DACH2: variants seen among roughly 807,000 people sequenced by gnomAD.
The protein encoded by DACH2 is dachshund family transcription factor 2.
A neutral mutation model predicts 35.8 loss-of-function variants in DACH2; 17 were observed. The ratio of observed to expected loss-of-function variants is 0.48; its 90% CI spans 0.33 to 0.71. The LOEUF is 0.71. Ranked by LOEUF, DACH2 falls within the 30% of genes least tolerant of loss-of-function variation. The probability of loss-of-function intolerance (pLI) is 0.02; values close to 1 mark genes in which losing one functional copy is unlikely to be tolerated. For synonymous variants in DACH2, 195 were observed against 177.3 expected, an observed-to-expected ratio of 1.10 and a Z score of -0.79; for missense variants, 469 against 472.7, an observed-to-expected ratio of 0.99 and a Z score of 0.07.
intron 3 of DACH2, among the ~76,000 whole-genome samples, chrX:86,539,321 C>T (rs2038848175): frequency 9.0e-6 from 1 of 111,464 alleles, no homozygotes; most frequent in Admixed American, 9.5e-5. Flanking sequence ...TCTCCTCATC[C>T]ATGTGGAATT....
At chrX:86,823,652 A>C (rs970595006) in intron 11 of DACH2, among the ~76,000 whole-genome samples, 1 of 111,940 alleles carries the variant, frequency 8.9e-6, no homozygotes, top group South Asian at 3.7e-4. Context: ...ATATTTCAAC[A>C]TAGGTTCTTT....
intron 3 of DACH2, among the ~76,000 whole-genome samples, chrX:86,547,150 C>A (rs1028274087): frequency 1.8e-5 from 2 of 111,039 alleles, no homozygotes; most frequent in African/African-American, 6.6e-5. Flanking sequence ...GTTGTTTTGT[C>A]CGAAGCCCCT....
At position 86,632,494 on chromosome X, in the gene DACH2, G is replaced by GCACACACACA. The variant is rs3041616; in HGVS notation, c.641-18518_641-18509dup. Among the ~76,000 whole-genome samples, 705 of 95,967 alleles carry GCACACACACA rather than the reference G, an allele frequency of 7.3e-3. 5 individuals carry two copies. Among genetic ancestry groups the GCACACACACA allele is most frequent in the African/African-American group, 0.025 (657 of 26,181 alleles). 83.3% of individuals were successfully genotyped at this position (95,967 alleles called of 115,157 possible). On this transcript the variant is annotated intron_variant, in intron 3 of 11. Transcript: ENST00000373125. The stretch of plus-strand genomic sequence containing the variant: ...CAACAATTATAACAGTCATACACAT[G>GCACACACACA]CACACACACACACACACACACACAC...
chrX:86,211,701 CTTGGCAAAATATGG>C (rs1287360761), intron 1 of DACH2, among the ~76,000 whole-genome samples: 1 of 111,672 alleles, frequency 9.0e-6, no homozygotes, highest in Non-Finnish European at 1.9e-5. Flanking sequence ...CACCCTTTAC[CTTGGCAAAATATGG>C]TTGATCTGGA....
intron 3 of DACH2, among the ~76,000 whole-genome samples, chrX:86,620,139 A>C (rs1453559578): frequency 8.9e-6 from 1 of 112,129 alleles, no homozygotes; most frequent in Non-Finnish European, 1.9e-5. Flanking sequence ...TATTTTATTT[A>C]GGCCTTAAGT....
intron 2 of DACH2, among the ~76,000 whole-genome samples, chrX:86,449,339 G>T (rs1192358400): frequency 4.0e-5 from 4 of 100,017 alleles, no homozygotes; most frequent in East Asian, 3.2e-4. Flanking sequence ...CCTTCTGCTA[G>T]CTTTTGAATG....
intron 2 of DACH2, among the ~76,000 whole-genome samples, chrX:86,412,187 TG>T (rs1161299079): frequency 9.0e-6 from 1 of 111,188 alleles, no homozygotes; most frequent in African/African-American, 3.3e-5. Context: ...GGGATTGTTG[TG>T]TCTCCTGGTG....
intron 3 of DACH2, among the ~76,000 whole-genome samples, chrX:86,636,532 A>G (rs2040267917): frequency 9.0e-6 from 1 of 111,294 alleles, no homozygotes; most frequent in Non-Finnish European, 1.9e-5. Flanking sequence ...ATGAAACTGA[A>G]TAGAGAGCCC....
chrX:86,211,886 T>G (rs911220425), intron 1 of DACH2, among the ~76,000 whole-genome samples: 4 of 111,702 alleles, frequency 3.6e-5, no homozygotes, highest in Non-Finnish European at 5.7e-5. Context: ...ACATAGTAAT[T>G]TCTGTATGTG....
At chrX:86,597,646 G>A (rs1227110566) in intron 3 of DACH2, among the ~76,000 whole-genome samples, 2 of 111,459 alleles carry the variant, frequency 1.8e-5, no homozygotes, top group Non-Finnish European at 3.8e-5. Flanking sequence ...GGGTTTTGGT[G>A]GAGCAGTCTC....
intron 1 of DACH2, among the ~76,000 whole-genome samples, chrX:86,226,159 T>TAA (rs372494969): frequency 0.078 from 8,680 of 111,373 alleles, 828 homozygotes; most frequent in African/African-American, 0.27. Context: ...TCAGGACTGT[T>TAA]CAGAAGTTTT....
intron 3 of DACH2, among the ~76,000 whole-genome samples, chrX:86,620,196 A>G (rs1389270241): frequency 2.7e-5 from 3 of 112,093 alleles, no homozygotes; most frequent in Non-Finnish European, 3.8e-5. Flanking sequence ...AGGTGGTTCC[A>G]GTGAACTGTT....
chrX:86,699,718 TTTGA>T (rs1468505248), intron 5 of DACH2, among the ~76,000 whole-genome samples: 1 of 111,658 alleles, frequency 9.0e-6, no homozygotes, highest in Non-Finnish European at 1.9e-5. Flanking sequence ...CAGCTCAGAT[TTTGA>T]TTATTTTTGT....
rs1329791254 is a variant in DACH2, at chrX:86,148,637, C to T, written c.17C>T (p.Ser6Phe). The T allele has an allele frequency of 3.4e-6, 4 of 1,173,632 alleles. No homozygotes were observed. The South Asian group carries it at 5.8e-5, about 17-fold the overall frequency. Residue 6 changes from serine (S) to phenylalanine (F), a missense_variant, in exon 1 of 12, where the codon TCT (serine) becomes TTT (phenylalanine). This residue lies in a region of DACH2 where 99 missense variants were observed against 114.3 expected (regional missense o/e 0.87). Transcript: ENST00000373125. ...AGAGTGACCATGGCTGTCTCCGCATCTCCAGTGATCTCTGCAACTTCCAGC... is the reference window on the plus strand; with the variant it reads ...AGAGTGACCATGGCTGTCTCCGCATTTCCAGTGATCTCTGCAACTTCCAGC... MAVSA[S>F]PVISATSSGA... is the part of the protein sequence containing the mutation.
intron 1 of DACH2, among the ~76,000 whole-genome samples, chrX:86,240,568 T>C (rs910837056): frequency 6.4e-5 from 7 of 109,050 alleles, no homozygotes; most frequent in African/African-American, 2.3e-4. Flanking sequence ...TTGTGGGCTC[T>C]AGTGATTCTC....
intron 2 of DACH2, among the ~76,000 whole-genome samples, chrX:86,496,435 T>C (rs1451073413): frequency 2.7e-5 from 3 of 111,310 alleles, no homozygotes; most frequent in Non-Finnish European, 5.6e-5. Flanking sequence ...TCTCTAATCT[T>C]CTTCCTGGTA....
At chrX:86,234,964 G>A (rs530360432) in intron 1 of DACH2, among the ~76,000 whole-genome samples, 10 of 111,398 alleles carry the variant, frequency 9.0e-5, no homozygotes, top group Middle Eastern at 4.6e-3. Context: ...TCAGAATTCC[G>A]TAGTTTTTAC....
At chrX:86,303,339 T>A (rs2034612461) in intron 1 of DACH2, among the ~76,000 whole-genome samples, 1 of 109,624 alleles carries the variant, frequency 9.1e-6, no homozygotes, top group Non-Finnish European at 1.9e-5. Flanking sequence ...TCTTTTTGCG[T>A]TCACTTTTTG....
chrX:86,542,401 G>A (rs936349937), intron 3 of DACH2, among the ~76,000 whole-genome samples: 1 of 111,223 alleles, frequency 9.0e-6, no homozygotes, highest in Non-Finnish European at 1.9e-5. Flanking sequence ...ATTAGTTCTT[G>A]TGGGAATAGA....
Sources: gnomAD v4.1 joint callset for allele counts (sites outside exome capture counted in the v4.1 genomes callset) on GRCh38, gnomAD v4.1.1 for gene constraint, gnomAD v4.1.1 regional missense constraint, MANE v1.5 for transcripts, NCBI Gene and HGNC (gene_info 2026-07-23, HGNC 2026-07-21) for gene names.